The following PASK variants were observed in gnomAD, a reference collection of about 807,000 sequenced individuals.
PASK encodes the protein PAS domain containing serine/threonine kinase, also known as PAS domain-containing serine/threonine-protein kinase.
PASK carries 110 observed loss-of-function variants against 121.0 expected under a neutral mutation model. The ratio of observed to expected loss-of-function variants is 0.91; its 90% CI spans 0.78 to 1.06. The LOEUF is 1.06. Ranked by LOEUF, PASK falls within the 50% of genes least tolerant of loss-of-function variation. The pLI, the probability that PASK is intolerant of heterozygous loss-of-function variation, is 0.00. For missense variants in PASK, 1,643 were observed against 1,702.3 expected (o/e 0.97, Z 0.61); for synonymous variants, 686 against 717.8 (o/e 0.96, Z 0.71).
chr2:241,129,301 GCAGCCT>G (rs1157358711), intron 9 of PASK, among the ~76,000 whole-genome samples: 1 of 152,178 alleles, frequency 6.6e-6, no homozygotes, highest in Non-Finnish European at 1.5e-5. Flanking sequence ...GCGGGCTGCT[GCAGCCT>G]CAGTACCCGT....
chr2:241,146,196 C>A (rs1197659304), intron 1 of PASK, among the ~76,000 whole-genome samples: 3 of 152,112 alleles, frequency 2.0e-5, no homozygotes, highest in Non-Finnish European at 4.4e-5. Context: ...TGATGTTATA[C>A]CTACTAAGTC....
At chr2:241,147,736 G>A (rs1036379788) in intron 1 of PASK, among the ~76,000 whole-genome samples, 3 of 148,474 alleles carry the variant, frequency 2.0e-5, no homozygotes, top group Non-Finnish European at 3.0e-5. Context: ...AAAGCAAAGG[G>A]AGGGTAAGGG....
At chr2:241,138,356 T>C (rs1295024216) in intron 5 of PASK, among the ~76,000 whole-genome samples, 1 of 152,250 alleles carries the variant, frequency 6.6e-6, no homozygotes, top group East Asian at 1.9e-4. Context: ...ATATGAGGGC[T>C]GTCTCTAATG....
intron 8 of PASK, chr2:241,134,325 T>G (rs973244247): frequency 6.6e-6 from 1 of 152,180 alleles, no homozygotes; most frequent in Non-Finnish European, 1.5e-5. Flanking sequence ...GGAAAAAGCT[T>G]GTATAAAGGA....
At chr2:241,137,297 G>A (rs1468227697) in intron 6 of PASK, 33 bp from the exon 7 acceptor site, 18 of 1,597,706 alleles carry the variant, frequency 1.1e-5, no homozygotes, top group South Asian at 5.5e-5. Context: ...GGCTTAAGCC[G>A]TGTTTCACGT....
chr2:241,135,883 C>T lies in PASK; in HGVS notation c.1294G>A (p.Glu432Lys). 6.2e-7 allele frequency: 1 copy of T among 1,614,132 alleles called. No individual in the cohort carries two copies. Among genetic ancestry groups the T allele is most frequent in the Non-Finnish European group, 8.5e-7 (1 of 1,179,966 alleles). Residue 432 changes from glutamate (E) to lysine (K), a missense_variant, in exon 8 of 18, where the codon GAG becomes AAG. Glu to Lys is a moderately conservative substitution (Grantham distance 56, BLOSUM62 1). Coordinates refer to ENST00000234040, the MANE Select transcript of PASK (RefSeq NM_015148.4). ...LDPWQGQDPA[E>K]GGQDPRINVV... ...GAGGACGTCTTACCCTGGCCCCCCT[C>T]AGCTGGGTCCTGGCCCTGCCACGGG...
chr2:241,140,200 GCGCAATC>G, intron 3 of PASK, 145 bp from the exon 4 acceptor site: 1 of 580,110 alleles, frequency 1.7e-6, no homozygotes, highest in East Asian at 6.5e-5. Context: ...GAGTGCAGTG[GCGCAATC>G]AGAGCTCACT....
rs749304653 is a variant in PASK, at chr2:241,126,385, G to A, written c.2530C>T (p.Pro844Ser). Residue 844 changes from proline (P) to serine (S), a missense_variant, in exon 10 of 18, where the codon CCA (proline) becomes TCA (serine). Coordinates refer to ENST00000234040, the MANE Select transcript of PASK (RefSeq NM_015148.4). ...TCCAACGTGGAAGGAACGTGTCCTGGGCTTTCTCTGTCGCTTGCTGCATAA... is the reference window on the plus strand; with the variant it reads ...TCCAACGTGGAAGGAACGTGTCCTGAGCTTTCTCTGTCGCTTGCTGCATAA... ...EHYAASDRES[P>S]GHVPSTLDAG... is the part of the protein sequence containing the mutation. The A allele has an allele frequency of 3.1e-6, 5 of 1,614,140 alleles. No individual in the cohort carries two copies. The East Asian group carries it at 1.1e-4, about 36-fold the overall frequency.
At chr2:241,127,497 G>A (rs1251837823) in intron 9 of PASK, 46 bp from the exon 10 acceptor site, 1 of 1,412,624 alleles carries the variant, frequency 7.1e-7, no homozygotes. Context: ...CCACAGATGA[G>A]TCAAAAGGAG....
At chr2:241,142,475 T>C (rs1325011968) in intron 2 of PASK, among the ~76,000 whole-genome samples, 1 of 152,264 alleles carries the variant, frequency 6.6e-6, no homozygotes, top group East Asian at 1.9e-4. Context: ...TTTAGCTCAG[T>C]AAACTGCACG....
At chr2:241,135,004 A>T (rs1234513550) in intron 8 of PASK, among the ~76,000 whole-genome samples, 1 of 152,206 alleles carries the variant, frequency 6.6e-6, no homozygotes, top group Non-Finnish European at 1.5e-5. Context: ...CTGTGGAAGC[A>T]GCCAGGGGCC....
intron 12 of PASK, among the ~76,000 whole-genome samples, chr2:241,122,404 T>G (rs1008102823): frequency 6.6e-6 from 1 of 151,906 alleles, no homozygotes; most frequent in Non-Finnish European, 1.5e-5. Flanking sequence ...CAGTGGGGAG[T>G]AGGAGAATGG....
intron 15 of PASK, among the ~76,000 whole-genome samples, chr2:241,111,837 G>A (rs1033613064): frequency 6.6e-6 from 1 of 152,192 alleles, no homozygotes; most frequent in Non-Finnish European, 1.5e-5. Flanking sequence ...ACTTTCTCTA[G>A]TGCTTGATTT....
rs2065860129 is a variant in PASK at position 241,126,292 on chromosome 2, G to T, written c.2623C>A (p.Pro875Thr). 3 of 1,614,094 alleles carry T rather than the reference G, an allele frequency of 1.9e-6. No individual in the cohort carries two copies. The South Asian group carries it at 3.3e-5, about 18-fold the overall frequency. The change falls in exon 10 of 18, where the codon CCC (proline) becomes ACC (threonine). Residue 875 changes from proline (P) to threonine (T), a missense_variant. Around this residue, in one of 3 missense-constraint regions of PASK, gnomAD observed 1,176 missense variants for 1,162.2 expected, o/e 1.01. Transcript: ENST00000234040. ...PRLNVQVTST[P>T]VIVMRGAAGL... Reference sequence around the variant, plus strand: ...GCAGCCCCGCGCATCACGATCACGGGCGTGGAGGTGACCTGGACGTTCAGC... The same window carrying T: ...GCAGCCCCGCGCATCACGATCACGGTCGTGGAGGTGACCTGGACGTTCAGC...
chr2:241,141,932 T>C (rs549452669), intron 2 of PASK, among the ~76,000 whole-genome samples: 37 of 152,100 alleles, frequency 2.4e-4, no homozygotes, highest in Non-Finnish European at 4.4e-4. Flanking sequence ...CAAGGCCCTG[T>C]ACCTCCGGCT....
intron 1 of PASK, among the ~76,000 whole-genome samples, chr2:241,146,971 G>T (rs1269810183): frequency 6.6e-6 from 1 of 152,202 alleles, no homozygotes. Flanking sequence ...GAAGGCAAAG[G>T]CTCTGCAAAC....
chr2:241,107,564 C>T, intron 16 of PASK, 65 bp from the exon 17 acceptor site: 1 of 1,507,930 alleles, frequency 6.6e-7, no homozygotes. Flanking sequence ...ATCTCAGATT[C>T]CTGGGTGCTC....
rs757618992 is a variant in PASK at position 241,136,043 on chromosome 2, GAA to G, written c.1138-6_1138-5del. 1 of 1,613,506 alleles carries G rather than the reference GAA, an allele frequency of 6.2e-7. No homozygotes were observed. The highest frequency in any genetic ancestry group is 8.5e-7 in the Non-Finnish European group (1 of 1,179,430). ...CAGGAATCAGGAAAGTGATATTCTAGAAAACAAAGCAGGGACATTTCAGAACC... is the reference window on the plus strand; with the variant it reads ...CAGGAATCAGGAAAGTGATATTCTAGAACAAAGCAGGGACATTTCAGAACC... On this transcript the variant is annotated splice_region_variant and splice_polypyrimidine_tract_variant and intron_variant, in intron 7 of 17. Transcript: ENST00000234040.
chr2:241,122,412 T>C (rs988946013), intron 12 of PASK, among the ~76,000 whole-genome samples: 3 of 152,194 alleles, frequency 2.0e-5, no homozygotes, highest in Non-Finnish European at 4.4e-5. Context: ...AGTAGGAGAA[T>C]GGTGCAAGCC....
Sources: gnomAD v4.1 joint callset for allele counts (sites outside exome capture counted in the v4.1 genomes callset) on GRCh38, gnomAD v4.1.1 for gene constraint, gnomAD v4.1.1 regional missense constraint, MANE v1.5 for transcripts, NCBI Gene and HGNC (gene_info 2026-07-23, HGNC 2026-07-21) for gene names.